The following TNFSF11 variants were observed in gnomAD, a reference collection of about 807,000 sequenced individuals.
The protein encoded by TNFSF11 is tumor necrosis factor ligand superfamily member 11.
Under a neutral mutation model 32.2 loss-of-function variants are expected in TNFSF11, and 12 were observed. The observed-to-expected ratio is 0.37, with a 90% confidence interval of 0.24 to 0.60. The LOEUF (loss-of-function observed/expected upper bound fraction) is 0.60. TNFSF11 is among the 20% of genes least tolerant of loss of function. TNFSF11 has a pLI of 0.66. For missense variants in TNFSF11, 345 were observed against 398.0 expected (o/e 0.87, Z 1.13); for synonymous variants, 172 against 152.1 (o/e 1.13, Z -0.96).
intron 2 of TNFSF11, among the ~76,000 whole-genome samples, chr13:42,597,699 C>T (rs548735964): frequency 1.1e-4 from 16 of 152,304 alleles, no homozygotes; most frequent in African/African-American, 3.6e-4. Context: ...TCAGGCCCCA[C>T]CCCAAATCTA....
upstream of TNFSF11, chr13:42,571,700 C>G (rs1468899707): frequency 6.6e-6 from 1 of 152,158 alleles, no homozygotes; most frequent in Non-Finnish European, 1.5e-5. Context: ...AGAGTTTCGA[C>G]TTTATCAACA....
At chr13:42,606,421 T>C in intron 4 of TNFSF11, 76 bp from the exon 5 acceptor site, 1 of 1,576,582 alleles carries the variant, frequency 6.3e-7, no homozygotes. Flanking sequence ...TTTTTCTCCC[T>C]AACCTCATAG....
intron 2 of TNFSF11, 59 bp from the exon 3 acceptor site, chr13:42,600,693 T>G: frequency 6.5e-7 from 1 of 1,528,564 alleles, no homozygotes. Context: ...CCCTGAATTC[T>G]TATTGCTTTA....
rs1566384161 is a variant in TNFSF11 at position 42,594,089 on chromosome 13, A to AT, written c.388-6655dup. ...TATTTATTATTATTATTATTAATTTATTTTTTTTGAGATGGAGTCTCATTC... is the reference window on the plus strand; with the variant it reads ...TATTTATTATTATTATTATTAATTTATTTTTTTTTGAGATGGAGTCTCATTC... On this transcript the variant is annotated intron_variant, in intron 2 of 4. Coordinates refer to ENST00000398795, the MANE Select transcript of TNFSF11 (RefSeq NM_003701.4). Among the ~76,000 whole-genome samples, 4 of 151,532 alleles carry AT rather than the reference A, an allele frequency of 2.6e-5. No individual in the cohort carries two copies. The South Asian group carries it at 8.3e-4, about 32-fold the overall frequency.
chr13:42,594,948 T>TAA (rs199733541), intron 2 of TNFSF11, among the ~76,000 whole-genome samples: 2 of 139,750 alleles, frequency 1.4e-5, no homozygotes, highest in Non-Finnish European at 1.6e-5. Context: ...AGTTGAAATT[T>TAA]AAAAAAAAAA....
rs1181814730 is a variant in TNFSF11, at chr13:42,581,271, C to T, written c.365C>T (p.Ala122Val). The T allele has an allele frequency of 1.2e-6, 2 of 1,614,014 alleles. No homozygotes were observed. Among genetic ancestry groups the T allele is most frequent in the Admixed American group, 1.7e-5 (1 of 60,024 alleles). The part of the protein sequence containing the change: ...IPDSCRRIKQ[A>V]FQGAVQKELQ... The stretch of plus-strand genomic sequence containing the variant: ...GATTCATGTAGGAGAATTAAACAGG[C>T]CTTTCAAGGAGCTGTGCAAAAGGTA... The change falls in exon 2 of 5, where the codon GCC (alanine) becomes GTC (valine). Residue 122 changes from alanine to valine, a missense_variant. By Grantham distance (64) the Ala-to-Val change is moderately conservative (BLOSUM62 0). This residue lies in a region of TNFSF11 where 197 missense variants were observed against 182.0 expected (regional missense o/e 1.08). Coordinates refer to ENST00000398795, the MANE Select transcript of TNFSF11 (RefSeq NM_003701.4).
At chr13:42,577,773 C>A (rs189572319) in intron 1 of TNFSF11, among the ~76,000 whole-genome samples, 1 of 152,202 alleles carries the variant, frequency 6.6e-6, no homozygotes, top group Admixed American at 6.5e-5. Context: ...ACACAGATAA[C>A]GAAGTAGCAC....
intron 2 of TNFSF11, among the ~76,000 whole-genome samples, chr13:42,596,828 A>C (rs1323914236): frequency 6.6e-6 from 1 of 152,266 alleles, no homozygotes; most frequent in Non-Finnish European, 1.5e-5. Context: ...GCTTCTCAAT[A>C]CCTGCTACAT....
chr13:42,586,828 T>G (rs186168373), intron 2 of TNFSF11, among the ~76,000 whole-genome samples: 1 of 152,338 alleles, frequency 6.6e-6, no homozygotes, highest in East Asian at 1.9e-4. Context: ...AACAATTCAT[T>G]CTTACCTGAA....
chr13:42,566,265 C>T (rs1047093717), intron 1 of TNFSF11, among the ~76,000 whole-genome samples: 4 of 152,148 alleles, frequency 2.6e-5, no homozygotes. Context: ...ATGCTGCCAT[C>T]CTGGTGAGGA....
At chr13:42,563,465 C>T (rs2137838769) in intron 1 of TNFSF11, among the ~76,000 whole-genome samples, 1 of 152,200 alleles carries the variant, frequency 6.6e-6, no homozygotes, top group Non-Finnish European at 1.5e-5. Flanking sequence ...GAGTTCAAGA[C>T]CAGCCTTGCC....
chr13:42,579,721 T>TTTTTTG (rs1873507038), intron 1 of TNFSF11, among the ~76,000 whole-genome samples: 1 of 148,144 alleles, frequency 6.8e-6, no homozygotes, highest in Non-Finnish European at 1.5e-5. Context: ...TTTTTTTTTT[T>TTTTTTG]TTTTTTTGCA....
At chr13:42,572,346 G>C (rs7984870), upstream of TNFSF11, among the ~76,000 whole-genome samples, 69,671 of 151,938 alleles carry the variant, frequency 0.46, 16,171 homozygotes, top group African/African-American at 0.49. Flanking sequence ...CCATTAAAAA[G>C]AATGGAAGAC....
upstream of TNFSF11, chr13:42,571,576 C>T (rs1445913606): frequency 6.6e-6 from 1 of 152,074 alleles, no homozygotes; most frequent in Admixed American, 6.6e-5. Flanking sequence ...CCTATGTTCC[C>T]CAGGCTATTC....
chr13:42,569,598 G>C (rs1406975242), upstream of TNFSF11, among the ~76,000 whole-genome samples: 1 of 151,640 alleles, frequency 6.6e-6, no homozygotes, highest in Non-Finnish European at 1.5e-5. Flanking sequence ...GAGAGAGAGA[G>C]ATTAGAGTTA....
intron 2 of TNFSF11, among the ~76,000 whole-genome samples, chr13:42,590,247 G>A (rs777291471): frequency 2.0e-5 from 3 of 152,260 alleles, no homozygotes; most frequent in Non-Finnish European, 2.9e-5. Flanking sequence ...CTCAGGTGGC[G>A]AGTTGTTTAA....
intron 2 of TNFSF11, among the ~76,000 whole-genome samples, chr13:42,593,945 A>G (rs1226896213): frequency 6.6e-6 from 1 of 152,228 alleles, no homozygotes; most frequent in African/African-American, 2.4e-5. Flanking sequence ...CACATGGATC[A>G]CACAATTCAC....
Position 42,563,415 on chromosome 13 carries a change from C to T in TNFSF11, c.-302+452C>T, listed in dbSNP as rs150520526. 8.6e-3 allele frequency among the ~76,000 whole-genome samples: 1,313 copies of T among 152,272 alleles called. 21 individuals carry two copies. Among genetic ancestry groups the T allele is most frequent in the African/African-American group, 0.03 (1,257 of 41,532 alleles). On this transcript the variant is annotated intron_variant, in intron 1 of 6. Transcript: ENST00000358545. ...GGGTGGCTCACACCTGTAATCCCAG[C>T]GCTTTAGGAGGCCAAGGCGGGTGGA...
intron 4 of TNFSF11, among the ~76,000 whole-genome samples, chr13:42,604,900 C>T (rs1264972538): frequency 2.0e-5 from 3 of 152,220 alleles, no homozygotes; most frequent in African/African-American, 4.8e-5. Flanking sequence ...TCTCCTGCCT[C>T]AGTCTCCTGA....
Sources: gnomAD v4.1 joint callset for allele counts (sites outside exome capture counted in the v4.1 genomes callset) on GRCh38, gnomAD v4.1.1 for gene constraint, gnomAD v4.1.1 regional missense constraint, MANE v1.5 for transcripts, NCBI Gene and HGNC (gene_info 2026-07-23, HGNC 2026-07-21) for gene names.